The following PRTG variants were observed in gnomAD, a reference collection of about 807,000 sequenced individuals.
PRTG encodes the protein immunoglobulin superfamily, DCC subclass, member 5.
Under a neutral mutation model 122.5 loss-of-function variants are expected in PRTG, and 67 were observed. That is an observed-to-expected ratio of 0.55 (90% CI 0.45 to 0.67). The LOEUF (loss-of-function observed/expected upper bound fraction) is 0.67. Ranked by LOEUF, PRTG falls within the 30% of genes least tolerant of loss-of-function variation. The pLI is 0.00. For missense variants in PRTG, 1,435 were observed against 1,415.4 expected, an observed-to-expected ratio of 1.01 and a Z score of -0.22; for synonymous variants, 554 against 501.1, an observed-to-expected ratio of 1.11 and a Z score of -1.41.
rs1279497276 is a variant in PRTG, at chr15:55,613,315, G to T, written c.*6697C>A. 1 of 152,066 alleles carries T rather than the reference G, an allele frequency of 6.6e-6. No individual in the cohort carries two copies. Among genetic ancestry groups the T allele is most frequent in the Non-Finnish European group, 1.5e-5 (1 of 67,954 alleles). The allele number at this position is 152,066 out of a possible 1,614,324, so 9.4% of individuals were successfully genotyped here. A position where few individuals can be genotyped will look rare whatever the true frequency, so the allele number is the denominator to read the frequency against. On this transcript the variant is annotated 3_prime_UTR_variant, in exon 20 of 20. Transcript: ENST00000389286. ...GAACTCTTCAGACCTAACAAGAAAG[G>T]ATTACTGTTTACACACCTGACTTTT...
intron 2 of PRTG, among the ~76,000 whole-genome samples, chr15:55,724,003 G>A (rs907849926): frequency 2.0e-5 from 3 of 151,956 alleles, no homozygotes; most frequent in Admixed American, 6.6e-5. Flanking sequence ...CGCCTGCCTC[G>A]GCCTCCCAAA....
intron 2 of PRTG, among the ~76,000 whole-genome samples, chr15:55,700,848 C>T (rs562900853): frequency 2.0e-5 from 3 of 152,298 alleles, no homozygotes; most frequent in African/African-American, 7.2e-5. Context: ...GACTCTCCCA[C>T]AGACTTGGAG....
At chr15:55,657,377 C>T (rs751446000) in intron 11 of PRTG, among the ~76,000 whole-genome samples, 25 of 152,112 alleles carry the variant, frequency 1.6e-4, no homozygotes, top group Non-Finnish European at 2.9e-4. Flanking sequence ...AATCATCATA[C>T]TTGGCCATTC....
At chr15:55,720,573 C>G (rs1270238293) in intron 2 of PRTG, among the ~76,000 whole-genome samples, 1 of 152,100 alleles carries the variant, frequency 6.6e-6, no homozygotes, top group Non-Finnish European at 1.5e-5. Context: ...GTCCATCTAC[C>G]TTCCTGACAA....
chr15:55,652,572 G>A (rs1405896803), intron 11 of PRTG, among the ~76,000 whole-genome samples: 2 of 151,992 alleles, frequency 1.3e-5, no homozygotes, highest in Non-Finnish European at 2.9e-5. Context: ...AGAGGCCAGC[G>A]GTACGGCCTG....
chr15:55,709,102 C>T (rs62043873), intron 2 of PRTG, among the ~76,000 whole-genome samples: 3,988 of 126,782 alleles, frequency 0.031, 103 homozygotes, highest in Middle Eastern at 0.071. Context: ...GCCAAAATTG[C>T]GCCACTGCAC....
intron 2 of PRTG, among the ~76,000 whole-genome samples, chr15:55,687,007 G>A (rs951028364): frequency 6.6e-6 from 1 of 152,032 alleles, no homozygotes; most frequent in Non-Finnish European, 1.5e-5. Flanking sequence ...GTCTTCCTCC[G>A]CTTCTACATT....
At chr15:55,647,194 C>T (rs1227954013) in intron 11 of PRTG, among the ~76,000 whole-genome samples, 1 of 152,044 alleles carries the variant, frequency 6.6e-6, no homozygotes, top group African/African-American at 2.4e-5. Flanking sequence ...GCAGAAGAAT[C>T]GCTTGAACCC....
At chr15:55,725,981 G>T (rs1232095683) in intron 2 of PRTG, among the ~76,000 whole-genome samples, 3 of 151,852 alleles carry the variant, frequency 2.0e-5, no homozygotes, top group Non-Finnish European at 2.9e-5. Context: ...GTCTCACTCT[G>T]TTGCGAGGCT....
rs987704755 is a variant in PRTG, at chr15:55,612,595, T to C, written c.*7417A>G. On this transcript the variant is annotated 3_prime_UTR_variant, in exon 20 of 20. Coordinates refer to ENST00000389286, the MANE Select transcript of PRTG (RefSeq NM_173814.6). ...AGAAATATTAAAATACTCCATAATC[T>C]TGAAAAAGATCTTTTAGAGAAAAAT... is the stretch of plus-strand genomic sequence containing the variant. 6.6e-6 allele frequency: 1 copy of C among 151,348 alleles called. No individual in the cohort carries two copies. The highest frequency in any genetic ancestry group is 6.6e-5 in the Admixed American group (1 of 15,182). 9.4% of individuals were successfully genotyped at this position (151,348 alleles called of 1,614,324 possible).
At position 55,620,677 on chromosome 15, in the gene PRTG, T is replaced by C. The variant is rs1438914; in HGVS notation, c.3184A>G (p.Ile1062Val). Residue 1062 changes from isoleucine (I) to valine (V), a missense_variant, in exon 19 of 20, where the codon ATA (isoleucine) becomes GTA (valine). Coordinates refer to ENST00000389286, the MANE Select transcript of PRTG (RefSeq NM_173814.6). Reference sequence around the variant, plus strand: ...AGATAGGTTACCTGCTCAACTTGTATCTTCTTTGAGTCTTGGAAAAAAAAC... The same window carrying C: ...AGATAGGTTACCTGCTCAACTTGTACCTTCTTTGAGTCTTGGAAAAAAAAC... The part of the protein sequence containing the change: ...KWFFFQDSKK[I>V]QVEQPQRRFT... 2 of 1,592,656 alleles carry C rather than the reference T, an allele frequency of 1.3e-6. No homozygotes were observed. The highest frequency in any genetic ancestry group is 1.2e-5 in the South Asian group (1 of 85,904).
intron 10 of PRTG, 146 bp downstream of exon 10, chr15:55,673,225 G>GT: frequency 3.0e-6 from 2 of 674,546 alleles, no homozygotes; most frequent in South Asian, 4.6e-5. Context: ...TTAATAAAAA[G>GT]TTTAATTTTT....
At chr15:55,693,550 T>A (rs2059616621) in intron 2 of PRTG, among the ~76,000 whole-genome samples, 1 of 151,858 alleles carries the variant, frequency 6.6e-6, no homozygotes, top group Admixed American at 6.6e-5. Context: ...ATAATTTATG[T>A]GTATATAGGG....
intron 16 of PRTG, among the ~76,000 whole-genome samples, chr15:55,627,341 T>TTTTTG (rs2059200750): frequency 6.6e-6 from 1 of 151,104 alleles, no homozygotes; most frequent in Non-Finnish European, 1.5e-5. Flanking sequence ...TTTTTTTTTT[T>TTTTTG]TTGAGACGGA....
chr15:55,613,143 A>G lies in PRTG; in HGVS notation c.*6869T>C, dbSNP rs1481625881. ...ACAGAAACAGTTTAAGAATTTTTGT[A>G]CCAAACGATTCTCAAAATTGTCAAG... is the stretch of plus-strand genomic sequence containing the variant. On this transcript the variant is annotated 3_prime_UTR_variant, in exon 20 of 20. Transcript: ENST00000389286. 1 of 152,096 alleles carries G rather than the reference A, an allele frequency of 6.6e-6. No homozygotes were observed. The highest frequency in any genetic ancestry group is 2.4e-5 in the African/African-American group (1 of 41,446). 9.4% of individuals were successfully genotyped at this position (152,096 alleles called of 1,614,324 possible).
At chr15:55,630,766 T>C (rs527971281) in intron 15 of PRTG, among the ~76,000 whole-genome samples, 35 of 152,270 alleles carry the variant, frequency 2.3e-4, no homozygotes, top group African/African-American at 1.7e-4. Flanking sequence ...AAAAGTGTAA[T>C]AGAAATTCAA....
At chr15:55,722,982 G>A (rs763864003) in intron 2 of PRTG, among the ~76,000 whole-genome samples, 10 of 152,146 alleles carry the variant, frequency 6.6e-5, no homozygotes, top group African/African-American at 1.2e-4. Flanking sequence ...TTAACAACAG[G>A]AGGCTTTCTT....
chr15:55,669,750 G>T (rs1477394666), intron 11 of PRTG, among the ~76,000 whole-genome samples: 2 of 152,184 alleles, frequency 1.3e-5, no homozygotes, highest in Non-Finnish European at 2.9e-5. Flanking sequence ...CCGTGACTTG[G>T]TAGCTCCAGG....
rs1394426976 is a variant in PRTG at position 55,637,263 on chromosome 15, CA to C, written c.2529del (p.Asp844MetfsTer7). ...CGGGTCACAACTGTTTCTGGGCCAT[CA>C]GGGGGTTTCCAAGAAACCAGGGCAG... ...DDTALVSWKP[P>X]DGPETVVTRY... On this transcript the variant is annotated frameshift_variant, in exon 15 of 20. Coordinates refer to ENST00000389286, the MANE Select transcript of PRTG (RefSeq NM_173814.6). LOFTEE classifies it high-confidence loss of function. 6.2e-7 allele frequency: 1 copy of C among 1,613,900 alleles called. No homozygotes were observed. Among genetic ancestry groups the C allele is most frequent in the African/African-American group, 1.3e-5 (1 of 74,910 alleles).
Sources: gnomAD v4.1 joint callset for allele counts (sites outside exome capture counted in the v4.1 genomes callset) on GRCh38, gnomAD v4.1.1 for gene constraint, MANE v1.5 for transcripts, NCBI Gene and HGNC (gene_info 2026-07-23, HGNC 2026-07-21) for gene names.